Variants in UGT2A1 observed in about 807,000 individuals in gnomAD.
UGT2A1 encodes UDP-glucuronosyltransferase 2A1.
In UGT2A1, 61 loss-of-function variants were observed where a neutral mutation model predicts 45.4. The ratio of observed to expected loss-of-function variants is 1.34; its 90% CI spans 1.09 to 1.66. The LOEUF (loss-of-function observed/expected upper bound fraction) is 1.66. UGT2A1 is among the 40% of genes most tolerant of loss of function. The pLI is 0.00. For synonymous variants in UGT2A1, 229 were observed against 196.2 expected, an observed-to-expected ratio of 1.17 and a Z score of -1.40; for missense variants, 649 against 574.3, an observed-to-expected ratio of 1.13 and a Z score of -1.33.
intron 6 of UGT2A1, among the ~76,000 whole-genome samples, chr4:69,591,529 G>A (rs1718599606): frequency 6.6e-6 from 1 of 152,086 alleles, no homozygotes; most frequent in South Asian, 2.1e-4. Context: ...GAGAGAATAG[G>A]TTGTGAAACG....
At chr4:69,612,460 A>G (rs1720121955) in intron 3 of UGT2A1, among the ~76,000 whole-genome samples, 2 of 152,052 alleles carry the variant, frequency 1.3e-5, no homozygotes, top group Non-Finnish European at 2.9e-5. Context: ...ACTAAGCCGA[A>G]AGCACCATAC....
At chr4:69,638,914 A>C in intron 2 of UGT2A1, 1 of 1,589,540 alleles carries the variant, frequency 6.3e-7, no homozygotes, top group South Asian at 1.1e-5. Flanking sequence ...ATTTTGCTAT[A>C]GTATGAATTC....
intron 3 of UGT2A1, among the ~76,000 whole-genome samples, chr4:69,605,178 A>T (rs113461916): frequency 7.3e-5 from 10 of 136,670 alleles, no homozygotes; most frequent in African/African-American, 3.0e-4. Flanking sequence ...GAAGTAAAGC[A>T]CTCCTCAGCA....
chr4:69,634,941 G>A (rs1236179927), intron 3 of UGT2A1, among the ~76,000 whole-genome samples: 2 of 151,968 alleles, frequency 1.3e-5, no homozygotes, highest in Non-Finnish European at 2.9e-5. Context: ...TTCTTCATGG[G>A]CTGGGATAAG....
chr4:69,628,432 A>G (rs1721210919), intron 3 of UGT2A1, among the ~76,000 whole-genome samples: 1 of 151,878 alleles, frequency 6.6e-6, no homozygotes, highest in Non-Finnish European at 1.5e-5. Context: ...TGGAGAGTCT[A>G]GAAAGAAACC....
chr4:69,596,383 T>C (rs1325460788), intron 4 of UGT2A1: 1 of 1,580,110 alleles, frequency 6.3e-7, no homozygotes. Context: ...TTCCATTTCC[T>C]GCATACATAA....
chr4:69,632,319 A>C (rs922238728), intron 3 of UGT2A1, among the ~76,000 whole-genome samples: 2 of 152,206 alleles, frequency 1.3e-5, no homozygotes, highest in African/African-American at 4.8e-5. Flanking sequence ...AGGGGTCTGC[A>C]TTAAAGATAA....
At chr4:69,599,438 T>C (rs773567924) in intron 3 of UGT2A1, 44 bp from the exon 4 acceptor site, 3 of 1,597,924 alleles carry the variant, frequency 1.9e-6, no homozygotes, top group East Asian at 2.2e-5. Flanking sequence ...TTAGCTTATA[T>C]GTTTGCTGAG....
At chr4:69,646,250 C>G (rs1722253689) in intron 2 of UGT2A1, among the ~76,000 whole-genome samples, 1 of 151,686 alleles carries the variant, frequency 6.6e-6, no homozygotes, top group South Asian at 2.1e-4. Flanking sequence ...AAAAAATGGG[C>G]AAGGCCTGTT....
intron 3 of UGT2A1, among the ~76,000 whole-genome samples, chr4:69,610,403 T>A (rs985191952): frequency 5.3e-5 from 8 of 152,272 alleles, no homozygotes; most frequent in Admixed American, 5.2e-4. Context: ...GACTTGTAAC[T>A]GTTAGGGCAT....
chr4:69,600,783 G>C (rs903222671), intron 3 of UGT2A1, among the ~76,000 whole-genome samples: 7 of 150,054 alleles, frequency 4.7e-5, no homozygotes, highest in African/African-American at 9.8e-5. Context: ...GCAAGAGAGA[G>C]AGTGAGGGCA....
rs912284765 is a variant in UGT2A1 at position 69,602,485 on chromosome 4, A to C, written c.848-3091T>G. On this transcript the variant is annotated intron_variant, in intron 3 of 6. Coordinates refer to ENST00000286604, the MANE Select transcript of UGT2A1 (RefSeq NM_001252275.3). ...AGTTTATCTATCTATCTATCTATCT[A>C]TCTATCTATCTATCTATCTATCTGA... 1.5e-5 allele frequency among the ~76,000 whole-genome samples: 2 copies of C among 136,332 alleles called. 1 individual carries two copies. The allele number at this position is 136,332 out of a possible 152,430, so 89.4% of individuals were successfully genotyped here.
intron 4 of UGT2A1, 111 bp from the exon 5 acceptor site, chr4:69,595,360 A>C (rs1718861356): frequency 7.9e-7 from 1 of 1,272,892 alleles, no homozygotes; most frequent in Non-Finnish European, 1.1e-6. Flanking sequence ...CGGGAATTAC[A>C]TAAGCAGTAG....
chr4:69,594,720 G>A (rs760123662), intron 5 of UGT2A1, 24 bp from the exon 6 acceptor site: 4 of 1,602,514 alleles, frequency 2.5e-6, no homozygotes, highest in South Asian at 1.1e-5. Flanking sequence ...GGAGTGAGAA[G>A]TGGGTGTGTA....
intron 6 of UGT2A1, 65 bp downstream of exon 6, chr4:69,594,412 C>A (rs1224272704): frequency 1.3e-6 from 2 of 1,565,090 alleles, no homozygotes; most frequent in African/African-American, 1.4e-5. Flanking sequence ...AAAGAATGTA[C>A]ATTTTCTGGT....
At position 69,602,360 on chromosome 4, in the gene UGT2A1, G is replaced by A. The variant is rs963346339; in HGVS notation, c.848-2966C>T. ...ATAGTAAGAGCATTCTTATCAAGAC[G>A]AAAAAAAGTCAGTGGTATGTACTAA... On this transcript the variant is annotated intron_variant, in intron 3 of 6. Transcript: ENST00000286604. Among the ~76,000 whole-genome samples the A allele has an allele frequency of 2.9e-5, 4 of 136,596 alleles. 1 individual carries two copies. Among genetic ancestry groups the A allele is most frequent in the Admixed American group, 2.1e-4 (3 of 13,982 alleles). The allele number at this position is 136,596 out of a possible 152,430, so 89.6% of individuals were successfully genotyped here.
At chr4:69,607,978 T>G (rs1031721615) in intron 3 of UGT2A1, among the ~76,000 whole-genome samples, 1 of 152,202 alleles carries the variant, frequency 6.6e-6, no homozygotes, top group Non-Finnish European at 1.5e-5. Context: ...GGTGGGACTG[T>G]AAACTAGTTC....
intron 2 of UGT2A1, among the ~76,000 whole-genome samples, chr4:69,646,075 T>G (rs887114196): frequency 2.6e-5 from 4 of 151,836 alleles, no homozygotes; most frequent in Non-Finnish European, 5.9e-5. Flanking sequence ...TATTTCCATA[T>G]TTACATAATT....
intron 2 of UGT2A1, among the ~76,000 whole-genome samples, chr4:69,642,852 G>C (rs1283141470): frequency 1.3e-5 from 2 of 151,432 alleles, no homozygotes; most frequent in Admixed American, 6.6e-5. Flanking sequence ...GTAAAGTGCT[G>C]TTGGTAACAA....
Sources: allele counts gnomAD v4.1 joint callset (sites outside exome capture counted in the v4.1 genomes callset), GRCh38; gene constraint gnomAD v4.1.1; transcripts MANE v1.5; gene names NCBI Gene and HGNC (gene_info 2026-07-23, HGNC 2026-07-21).